Variants in SVEP1 observed in about 807,000 individuals in gnomAD.
SVEP1 encodes the protein sushi, von Willebrand factor type A, EGF and pentraxin domain containing 1.
A neutral mutation model predicts 367.3 loss-of-function variants in SVEP1; 164 were observed. The ratio of observed to expected loss-of-function variants is 0.45; its 90% CI spans 0.39 to 0.51. The LOEUF (loss-of-function observed/expected upper bound fraction) is 0.51. Among genes scored for constraint, SVEP1 ranks in the 20% least tolerant of loss-of-function variants. The pLI is 0.00. For missense variants in SVEP1, 4,117 were observed against 4,425.3 expected (o/e 0.93, Z 1.98); for synonymous variants, 1,666 against 1,611.6 (o/e 1.03, Z -0.81).
At position 110,411,528 on chromosome 9, in the gene SVEP1, G is replaced by A. The variant is rs1828045018; in HGVS notation, c.6183C>T (p.Cys2061=). ...GGGGTACCCACTTGCCCTGGGCATT[G>A]CAGAGAAGCTGGGAATTGTCTGCTA... ...YSLADNSQLL[C]NAQGKWVPPE... is the part of the protein sequence containing the mutation. Residue 2061 remains cysteine, a synonymous_variant, in exon 37 of 48, where the codon TGC becomes TGT. Transcript: ENST00000374469. 6.2e-7 allele frequency: 1 copy of A among 1,614,024 alleles called. No homozygotes were observed. The highest frequency in any genetic ancestry group is 8.5e-7 in the Non-Finnish European group (1 of 1,179,894).
At chr9:110,405,835 C>T (rs1037394076) in intron 38 of SVEP1, among the ~76,000 whole-genome samples, 3 of 152,090 alleles carry the variant, frequency 2.0e-5, no homozygotes, top group Admixed American at 6.6e-5. Flanking sequence ...ATTTACTATC[C>T]TGATGTTTAA....
intron 5 of SVEP1, among the ~76,000 whole-genome samples, chr9:110,510,723 G>A (rs1357834623): frequency 1.3e-5 from 2 of 152,166 alleles, no homozygotes; most frequent in Non-Finnish European, 2.9e-5. Flanking sequence ...ACTCCTCTTT[G>A]GAAGGCTACT....
chr9:110,550,463 T>A (rs1001240769), intron 1 of SVEP1, among the ~76,000 whole-genome samples: 1 of 151,734 alleles, frequency 6.6e-6, no homozygotes, highest in Non-Finnish European at 1.5e-5. Flanking sequence ...AAAATCTGAA[T>A]CCAAATTCCA....
At position 110,408,542 on chromosome 9, in the gene SVEP1, T is replaced by A. The variant is rs557548207; in HGVS notation, c.7058A>T (p.His2353Leu). The change falls in exon 38 of 48, where the codon CAT (histidine) becomes CTT (leucine). Residue 2353 changes from histidine to leucine, a missense_variant. Physicochemically the swap from His to Leu is moderately conservative, Grantham distance 99. Coordinates refer to ENST00000374469, the MANE Select transcript of SVEP1 (RefSeq NM_153366.4). ...GVVTFSCKEG[H>L]VLQGPSVLKC... The stretch of plus-strand genomic sequence containing the variant: ...CAGGACAGAGGGGCCTTGCAGGACA[T>A]GCCCTTCTTTACAGGAAAATGTCAC... The A allele has an allele frequency of 6.2e-7, 1 of 1,613,804 alleles. No homozygotes were observed.
chr9:110,516,575 T>C (rs1385524219), intron 3 of SVEP1, among the ~76,000 whole-genome samples: 1 of 152,182 alleles, frequency 6.6e-6, no homozygotes. Flanking sequence ...AAAATATCAG[T>C]AAATATCTGA....
chr9:110,450,316 G>GT, intron 23 of SVEP1, 56 bp from the exon 24 acceptor site: 3 of 1,538,478 alleles, frequency 1.9e-6, no homozygotes, highest in Non-Finnish European at 2.7e-6. Flanking sequence ...TGGGAACACT[G>GT]TAACTAAAGT....
intron 1 of SVEP1, among the ~76,000 whole-genome samples, chr9:110,551,007 A>G (rs1830278965): frequency 6.6e-6 from 1 of 152,206 alleles, no homozygotes; most frequent in African/African-American, 2.4e-5. Context: ...AAGATAAAGA[A>G]GCACCAGGGT....
At chr9:110,508,786 A>G (rs1438059823) in intron 5 of SVEP1, among the ~76,000 whole-genome samples, 3 of 150,706 alleles carry the variant, frequency 2.0e-5, no homozygotes, top group Non-Finnish European at 3.0e-5. Flanking sequence ...AAAAAAAAGA[A>G]AGAAAGAAAT....
chr9:110,544,849 T>C (rs4460449), intron 3 of SVEP1, among the ~76,000 whole-genome samples: 120,229 of 152,006 alleles, frequency 0.79, 48,033 homozygotes, highest in Non-Finnish European at 0.82. Flanking sequence ...TACAGTGTTA[T>C]GGAACATTAA....
At chr9:110,500,299 G>A (rs1270688856) in intron 6 of SVEP1, among the ~76,000 whole-genome samples, 3 of 152,124 alleles carry the variant, frequency 2.0e-5, no homozygotes, top group African/African-American at 4.8e-5. Flanking sequence ...GTGGTTCGAC[G>A]ATAATGACAA....
intron 5 of SVEP1, among the ~76,000 whole-genome samples, chr9:110,511,380 A>G (rs1303884666): frequency 3.4e-5 from 5 of 148,636 alleles, no homozygotes; most frequent in African/African-American, 1.0e-4. Flanking sequence ...TTATTCTTTC[A>G]TATTTTTATT....
intron 1 of SVEP1, among the ~76,000 whole-genome samples, chr9:110,552,299 G>A (rs1042902619): frequency 1.3e-5 from 2 of 151,866 alleles, no homozygotes; most frequent in Admixed American, 1.3e-4. Context: ...CAAAGTGCTG[G>A]GATTACAGGC....
chr9:110,483,714 C>T (rs1368439033), intron 9 of SVEP1, 21 bp from the exon 10 acceptor site: 6 of 1,541,870 alleles, frequency 3.9e-6, no homozygotes, highest in Non-Finnish European at 5.3e-6. Flanking sequence ...TGAAATCAGA[C>T]AAAGAAGTCA....
intron 47 of SVEP1, among the ~76,000 whole-genome samples, chr9:110,367,696 A>G (rs1827220314): frequency 6.6e-6 from 1 of 152,000 alleles, no homozygotes; most frequent in Admixed American, 6.5e-5. Flanking sequence ...CATTGAATCA[A>G]TCTGGACCAA....
At chr9:110,375,486 A>AAAAAG (rs770175947) in intron 45 of SVEP1, 23 bp from the exon 46 acceptor site, 1 of 1,463,004 alleles carries the variant, frequency 6.8e-7, no homozygotes, top group Non-Finnish European at 9.2e-7. Context: ...AAAAAAAAAA[A>AAAAAG]AAAAGGAGGC....
intron 27 of SVEP1, among the ~76,000 whole-genome samples, chr9:110,439,103 T>C (rs1008499076): frequency 6.6e-6 from 1 of 152,172 alleles, no homozygotes; most frequent in Non-Finnish European, 1.5e-5. Flanking sequence ...CCGCCAAATT[T>C]ATATGTTGAA....
intron 5 of SVEP1, among the ~76,000 whole-genome samples, chr9:110,511,488 C>CTTTTTTTTTTTTTTTTTTTTTCTTT (rs1829711636): frequency 1.3e-5 from 1 of 77,554 alleles, no homozygotes; most frequent in Non-Finnish European, 2.8e-5. Context: ...GTGTCAGTAC[C>CTTTTTTTTTTTTTTTTTTTTTCTTT]TTTTTTTTTT....
At chr9:110,381,950 T>A (rs984096703) in intron 43 of SVEP1, among the ~76,000 whole-genome samples, 55 of 152,340 alleles carry the variant, frequency 3.6e-4, no homozygotes, top group African/African-American at 1.3e-3. Context: ...AATGCCCTTG[T>A]CTTTTTTGAT....
Position 110,366,289 on chromosome 9 carries a change from G to A in SVEP1, c.*250C>T. 3.3e-6 allele frequency: 1 copy of A among 304,760 alleles called. No homozygotes were observed. Among genetic ancestry groups the A allele is most frequent in the Non-Finnish European group, 5.5e-6 (1 of 180,620 alleles). The allele number at this position is 304,760 out of a possible 1,614,324, so 18.9% of individuals were successfully genotyped here. ...AGAATATGTACATTTTGTGAGGGTA[G>A]AGCAGCATCTATTTAATATAATTTT... On this transcript the variant is annotated 3_prime_UTR_variant, in exon 48 of 48. Coordinates refer to ENST00000374469, the MANE Select transcript of SVEP1 (RefSeq NM_153366.4).
Sources: gnomAD v4.1 joint callset for allele counts (sites outside exome capture counted in the v4.1 genomes callset) on GRCh38, gnomAD v4.1.1 for gene constraint, MANE v1.5 for transcripts, NCBI Gene and HGNC (gene_info 2026-07-23, HGNC 2026-07-21) for gene names.